The following INPP4B variants were observed in gnomAD, a reference collection of about 807,000 sequenced individuals.
INPP4B encodes inositol polyphosphate 4-phosphatase type II.
A neutral mutation model predicts 122.5 loss-of-function variants in INPP4B; 55 were observed. The ratio of observed to expected loss-of-function variants is 0.45; its 90% CI spans 0.36 to 0.56. The LOEUF (loss-of-function observed/expected upper bound fraction) is 0.56. Among genes scored for constraint, INPP4B ranks in the 20% least tolerant of loss-of-function variants. The probability of loss-of-function intolerance (pLI) is 0.00; values close to 1 mark genes in which losing one functional copy is unlikely to be tolerated. For synonymous variants in INPP4B, 403 were observed against 388.7 expected (o/e 1.04, Z -0.43); for missense variants, 1,000 against 1,097.7 (o/e 0.91, Z 1.26).
chr4:142,426,523 GAA>G (rs1808093518), intron 5 of INPP4B: 1 of 151,934 alleles, frequency 6.6e-6, no homozygotes, highest in Non-Finnish European at 1.5e-5. Context: ...TCAACCATTA[GAA>G]ATACAGTTAA....
intron 22 of INPP4B, among the ~76,000 whole-genome samples, chr4:142,110,045 C>T (rs1431841254): frequency 1.3e-5 from 2 of 152,144 alleles, no homozygotes; most frequent in Middle Eastern, 3.4e-3. Flanking sequence ...TAAAAAATAC[C>T]ATCCTTGCTG....
At chr4:142,479,995 C>G (rs769549894) in intron 2 of INPP4B, among the ~76,000 whole-genome samples, 3 of 152,106 alleles carry the variant, frequency 2.0e-5, no homozygotes, top group African/African-American at 4.8e-5. Context: ...AACTAATGTA[C>G]AGGGAAAGTA....
chr4:142,782,666 A>T lies in INPP4B; in HGVS notation c.-253-56765T>A, dbSNP rs1209491812. On this transcript the variant is annotated intron_variant, in intron 1 of 25. Transcript: ENST00000262992. Reference sequence around the variant, plus strand: ...CCTGTTGTTTCCTGACTTTTTAATGATTGCCATTCTAACTGGTGTGAGATG... The same window carrying T: ...CCTGTTGTTTCCTGACTTTTTAATGTTTGCCATTCTAACTGGTGTGAGATG... Among the ~76,000 whole-genome samples, 3 of 137,208 alleles carry T rather than the reference A, an allele frequency of 2.2e-5. No individual in the cohort carries two copies. The South Asian group carries it at 7.5e-4, about 34-fold the overall frequency. The allele number at this position is 137,208 out of a possible 152,430, so 90.0% of individuals were successfully genotyped here.
chr4:142,077,108 A>G (rs574042375), intron 25 of INPP4B, among the ~76,000 whole-genome samples: 2 of 152,168 alleles, frequency 1.3e-5, no homozygotes, highest in South Asian at 4.1e-4. Context: ...TGTTGAGAAT[A>G]TGACATTTGA....
At chr4:142,166,204 T>G (rs1027493938) in intron 16 of INPP4B, among the ~76,000 whole-genome samples, 2 of 151,688 alleles carry the variant, frequency 1.3e-5, no homozygotes, top group Admixed American at 1.3e-4. Context: ...ACACTGTACA[T>G]TAAGGTTTAT....
At chr4:142,198,436 G>A (rs1391953351) in intron 14 of INPP4B, among the ~76,000 whole-genome samples, 1 of 151,146 alleles carries the variant, frequency 6.6e-6, no homozygotes. Flanking sequence ...TTCTATTCTT[G>A]TTATAGTTTT....
chr4:142,123,561 C>T (rs1268757474), intron 19 of INPP4B, 146 bp from the exon 20 acceptor site: 5 of 748,118 alleles, frequency 6.7e-6, no homozygotes, highest in East Asian at 2.7e-5. Context: ...CATAGTAAAA[C>T]AAGTTGACAG....
At chr4:142,667,871 G>A (rs906527668) in intron 2 of INPP4B, among the ~76,000 whole-genome samples, 2 of 152,148 alleles carry the variant, frequency 1.3e-5, no homozygotes, top group Non-Finnish European at 2.9e-5. Flanking sequence ...CAAATAAAAA[G>A]CTATAAGCCA....
intron 2 of INPP4B, among the ~76,000 whole-genome samples, chr4:142,558,017 C>T (rs1489414698): frequency 6.6e-6 from 1 of 152,212 alleles, no homozygotes; most frequent in Non-Finnish European, 1.5e-5. Flanking sequence ...GCTTTACTTC[C>T]TTTGCAGCTC....
chr4:142,277,489 A>G (rs2150711978), intron 9 of INPP4B, among the ~76,000 whole-genome samples: 1 of 152,014 alleles, frequency 6.6e-6, no homozygotes, highest in Middle Eastern at 3.4e-3. Context: ...AGAAAGAACT[A>G]AAAGTAGATC....
intron 1 of INPP4B, among the ~76,000 whole-genome samples, chr4:142,784,959 C>G (rs1775528929): frequency 6.6e-6 from 1 of 152,046 alleles, no homozygotes; most frequent in Admixed American, 6.6e-5. Context: ...CCCAGGTACA[C>G]AGCCTACTAA....
intron 2 of INPP4B, among the ~76,000 whole-genome samples, chr4:142,724,943 TA>T (rs1177132708): frequency 6.6e-6 from 1 of 152,042 alleles, no homozygotes; most frequent in African/African-American, 2.4e-5. Flanking sequence ...TAAAAATATA[TA>T]ATACATTTCA....
chr4:142,719,778 T>C (rs1261354304), intron 2 of INPP4B, among the ~76,000 whole-genome samples: 18 of 152,180 alleles, frequency 1.2e-4, no homozygotes, highest in Admixed American at 1.2e-3. Flanking sequence ...TAATACTCTA[T>C]GGCATCTATC....
At chr4:142,657,464 CTTACCAAG>C (rs1409419773) in intron 2 of INPP4B, among the ~76,000 whole-genome samples, 1 of 152,164 alleles carries the variant, frequency 6.6e-6, no homozygotes, top group Non-Finnish European at 1.5e-5. Flanking sequence ...CACAAAGCAA[CTTACCAAG>C]TTTTATCTTA....
chr4:142,282,698 A>T (rs533880211), intron 9 of INPP4B, among the ~76,000 whole-genome samples: 1 of 152,244 alleles, frequency 6.6e-6, no homozygotes, highest in African/African-American at 2.4e-5. Flanking sequence ...GGCAGTTCAC[A>T]TGGTGGTTTG....
intron 2 of INPP4B, among the ~76,000 whole-genome samples, chr4:142,508,176 C>G (rs1280072012): frequency 2.0e-5 from 3 of 152,070 alleles, no homozygotes; most frequent in African/African-American, 4.8e-5. Context: ...TCCACGAGCT[C>G]CAATTAGTAA....
intron 12 of INPP4B, among the ~76,000 whole-genome samples, chr4:142,211,344 A>G (rs1844797383): frequency 6.6e-6 from 1 of 152,190 alleles, no homozygotes; most frequent in Non-Finnish European, 1.5e-5. Context: ...TTGGTTCATG[A>G]AAATTGGTAA....
intron 1 of INPP4B, among the ~76,000 whole-genome samples, chr4:142,761,144 A>G (rs1457898450): frequency 6.6e-6 from 1 of 151,338 alleles, no homozygotes; most frequent in African/African-American, 2.4e-5. Context: ...TTTTGCTTAT[A>G]TAACTACATT....
At chr4:142,128,358 C>T (rs1160692981) in intron 18 of INPP4B, among the ~76,000 whole-genome samples, 1 of 137,868 alleles carries the variant, frequency 7.3e-6, no homozygotes, top group African/African-American at 2.8e-5. Flanking sequence ...CACACACACA[C>T]ACACACACAC....
Sources: gnomAD v4.1 joint callset for allele counts (sites outside exome capture counted in the v4.1 genomes callset) on GRCh38, gnomAD v4.1.1 for gene constraint, MANE v1.5 for transcripts, NCBI Gene and HGNC (gene_info 2026-07-23, HGNC 2026-07-21) for gene names.